STK32B: variants seen among roughly 807,000 people sequenced by gnomAD.
The protein encoded by STK32B is serine/threonine kinase 32B.
STK32B carries 43 observed loss-of-function variants against 52.6 expected under a neutral mutation model. The observed-to-expected ratio is 0.82, with a 90% CI of 0.64 to 1.05. STK32B has a LOEUF of 1.05. Ranked by LOEUF, STK32B falls within the 50% of genes least tolerant of loss-of-function variation. The probability of loss-of-function intolerance (pLI) is 0.00; values close to 1 mark genes in which losing one functional copy is unlikely to be tolerated. For synonymous variants in STK32B, 238 were observed against 204.3 expected, an observed-to-expected ratio of 1.17 and a Z score of -1.41; for missense variants, 621 against 534.6, an observed-to-expected ratio of 1.16 and a Z score of -1.59.
At chr4:5,224,048 T>A (rs1723711463) in intron 3 of STK32B, among the ~76,000 whole-genome samples, 1 of 152,190 alleles carries the variant, frequency 6.6e-6, no homozygotes, top group African/African-American at 2.4e-5. Context: ...AGAGTAAATC[T>A]CACCTTTGAA....
intron 3 of STK32B, among the ~76,000 whole-genome samples, chr4:5,216,805 C>T (rs924323160): frequency 1.3e-5 from 2 of 152,150 alleles, no homozygotes; most frequent in African/African-American, 4.8e-5. Flanking sequence ...GGTTTTAAAC[C>T]AGGTGTGGTG....
At chr4:5,177,938 A>T (rs1334479895) in intron 3 of STK32B, among the ~76,000 whole-genome samples, 3 of 152,140 alleles carry the variant, frequency 2.0e-5, no homozygotes, top group African/African-American at 7.2e-5. Flanking sequence ...GCTGGCACTG[A>T]GTATCTGTGA....
intron 6 of STK32B, among the ~76,000 whole-genome samples, chr4:5,444,957 C>A (rs1715250305): frequency 6.6e-6 from 1 of 152,170 alleles, no homozygotes; most frequent in Admixed American, 6.5e-5. Flanking sequence ...TGCACCATTC[C>A]ACTATGTGGC....
chr4:5,385,236 A>G (rs1032093424), intron 4 of STK32B, among the ~76,000 whole-genome samples: 1 of 151,950 alleles, frequency 6.6e-6, no homozygotes, highest in East Asian at 1.9e-4. Context: ...GAAATGTTTG[A>G]AGAGAGGGAC....
chr4:5,237,181 G>T (rs373669870), intron 3 of STK32B, among the ~76,000 whole-genome samples: 4 of 152,142 alleles, frequency 2.6e-5, no homozygotes, highest in African/African-American at 9.7e-5. Context: ...GAAAAGGTTG[G>T]CTAGGCTGGG....
chr4:5,156,221 T>C (rs1009455343), intron 2 of STK32B, among the ~76,000 whole-genome samples: 4 of 151,774 alleles, frequency 2.6e-5, no homozygotes, highest in African/African-American at 9.7e-5. Context: ...CTTACACATA[T>C]AGCGTATACA....
intron 4 of STK32B, among the ~76,000 whole-genome samples, chr4:5,360,265 A>T (rs1036446726): frequency 1.3e-5 from 2 of 152,200 alleles, no homozygotes; most frequent in African/African-American, 4.8e-5. Flanking sequence ...TGACAGAATT[A>T]GGGCACAACC....
intron 3 of STK32B, among the ~76,000 whole-genome samples, chr4:5,193,623 C>T (rs1721408255): frequency 1.3e-5 from 2 of 152,236 alleles, no homozygotes; most frequent in Admixed American, 6.5e-5. Context: ...TGCCAATGTC[C>T]TGGCCCCTGC....
chr4:5,074,129 A>G (rs1711936005), intron 1 of STK32B, among the ~76,000 whole-genome samples: 1 of 151,858 alleles, frequency 6.6e-6, no homozygotes, highest in Non-Finnish European at 1.5e-5. Context: ...CATGTATTTC[A>G]GACCACTTGA....
At chr4:5,329,539 CCACACTCGCCTG>C (rs1732094532) in intron 3 of STK32B, among the ~76,000 whole-genome samples, 1 of 152,170 alleles carries the variant, frequency 6.6e-6, no homozygotes, top group South Asian at 2.1e-4. Context: ...TCCTCCTTTC[CCACACTCGCCTG>C]CACCCTGGAA....
At chr4:5,313,120 AC>A (rs1730421995) in intron 3 of STK32B, among the ~76,000 whole-genome samples, 2 of 150,742 alleles carry the variant, frequency 1.3e-5, no homozygotes, top group African/African-American at 4.9e-5. Flanking sequence ...TTTAAAAACC[AC>A]AATTACTTTT....
chr4:5,415,368 C>T (rs1330681755), intron 5 of STK32B, among the ~76,000 whole-genome samples: 1 of 152,158 alleles, frequency 6.6e-6, no homozygotes, highest in Admixed American at 6.5e-5. Context: ...CAAGGTTATA[C>T]AGCTACTCCC....
intron 7 of STK32B, among the ~76,000 whole-genome samples, chr4:5,448,206 A>C (rs918324088): frequency 2.6e-5 from 4 of 152,244 alleles, no homozygotes; most frequent in African/African-American, 9.6e-5. Context: ...ATTATTATAC[A>C]TTGCATTCTT....
chr4:5,234,214 G>A (rs921405075), intron 3 of STK32B, among the ~76,000 whole-genome samples: 2 of 152,170 alleles, frequency 1.3e-5, no homozygotes, highest in Non-Finnish European at 2.9e-5. Context: ...AATCAACTCT[G>A]CTACTAACTA....
In STK32B at chr4:5,398,462, T is replaced by C. The variant is rs1352035401; in HGVS notation, c.472+218T>C. Among the ~76,000 whole-genome samples, 1 of 152,208 alleles carries C rather than the reference T, an allele frequency of 6.6e-6. No individual in the cohort carries two copies. The highest frequency in any genetic ancestry group is 1.5e-5 in the Non-Finnish European group (1 of 68,032). On this transcript the variant is annotated intron_variant, in intron 5 of 11. Transcript: ENST00000282908. The surrounding 1 kb of genome is among the most constrained non-coding windows in gnomAD (Gnocchi z 4.9). ...CAAAGTTATTTAAACTGTTCGCATC[T>C]GAAGTCATTGCTGTTCATATCCCCG...
chr4:5,063,223 G>A lies in STK32B; in HGVS notation c.52+11308G>A, dbSNP rs60830842. On this transcript the variant is annotated intron_variant, in intron 1 of 11. Transcript: ENST00000282908. Reference sequence around the variant, plus strand: ...TTACACTCTGGCAAGCCATGTGTAGGCATTTCCATTGCTCTACATCAGCAC... The same window carrying A: ...TTACACTCTGGCAAGCCATGTGTAGACATTTCCATTGCTCTACATCAGCAC... 5.9e-3 allele frequency among the ~76,000 whole-genome samples: 892 copies of A among 152,270 alleles called. 11 individuals are homozygous for A. The highest frequency in any genetic ancestry group is 0.02 in the African/African-American group (839 of 41,538).
chr4:5,076,737 G>A (rs1038499444), intron 1 of STK32B, among the ~76,000 whole-genome samples: 2 of 152,148 alleles, frequency 1.3e-5, no homozygotes, highest in Non-Finnish European at 2.9e-5. Context: ...GTTGAAAAAT[G>A]GAAATGATGA....
chr4:5,146,667 C>T (rs1716941146), intron 2 of STK32B, among the ~76,000 whole-genome samples: 1 of 152,306 alleles, frequency 6.6e-6, no homozygotes, highest in Non-Finnish European at 1.5e-5. Flanking sequence ...TCCTTCAATC[C>T]AGTCAAGCTG....
intron 3 of STK32B, among the ~76,000 whole-genome samples, chr4:5,188,382 C>G (rs894804822): frequency 6.6e-6 from 1 of 152,184 alleles, no homozygotes; most frequent in Non-Finnish European, 1.5e-5. Context: ...GCCCTTGATC[C>G]TCAAGTGTTT....
Sources: gnomAD v4.1 joint callset for allele counts (sites outside exome capture counted in the v4.1 genomes callset) on GRCh38, gnomAD v4.1.1 for gene constraint, Gnocchi (gnomAD v3.1) non-coding constraint, MANE v1.5 for transcripts, NCBI Gene and HGNC (gene_info 2026-07-23, HGNC 2026-07-21) for gene names.